The following HMCN1 variants were observed in gnomAD, a reference collection of about 807,000 sequenced individuals.
The protein encoded by HMCN1 is hemicentin-1.
Under a neutral mutation model 625.9 loss-of-function variants are expected in HMCN1, and 321 were observed. That is an observed-to-expected ratio of 0.51 (90% confidence interval 0.47 to 0.56). The LOEUF (loss-of-function observed/expected upper bound fraction) is 0.56. Ranked by LOEUF, HMCN1 falls within the 20% of genes least tolerant of loss-of-function variation. The probability of loss-of-function intolerance (pLI) is 0.00; values close to 1 mark genes in which losing one functional copy is unlikely to be tolerated. For missense variants in HMCN1, 6,588 were observed against 6,887.3 expected (o/e 0.96, Z 1.54); for synonymous variants, 2,425 against 2,417.6 (o/e 1.00, Z -0.09).
intron 11 of HMCN1, among the ~76,000 whole-genome samples, chr1:185,935,209 C>T (rs1415664498): frequency 1.3e-5 from 2 of 151,452 alleles, no homozygotes; most frequent in Non-Finnish European, 2.9e-5. Flanking sequence ...TCAGAGCCTT[C>T]CTTGTTTCTC....
At chr1:186,048,575 G>A (rs1217108940) in intron 41 of HMCN1, among the ~76,000 whole-genome samples, 168 bp from the exon 42 acceptor site, 1 of 152,080 alleles carries the variant, frequency 6.6e-6, no homozygotes, top group Non-Finnish European at 1.5e-5. Context: ...ATCTTGTTGT[G>A]TTGAAACTGG....
At chr1:186,165,267 T>C (rs1052734893) in intron 98 of HMCN1, 94 bp downstream of exon 98, 3 of 1,060,490 alleles carry the variant, frequency 2.8e-6, no homozygotes, top group Non-Finnish European at 4.4e-6. Flanking sequence ...CACTAGGTAT[T>C]TAATCTTCAC....
At chr1:186,048,122 A>G (rs1004343106) in intron 41 of HMCN1, among the ~76,000 whole-genome samples, 5 of 152,150 alleles carry the variant, frequency 3.3e-5, no homozygotes, top group African/African-American at 1.2e-4. Flanking sequence ...CATATGTGAC[A>G]TTATATCTCT....
At chr1:185,939,729 A>G (rs141133128) in intron 11 of HMCN1, among the ~76,000 whole-genome samples, 8 of 152,278 alleles carry the variant, frequency 5.3e-5, no homozygotes, top group Non-Finnish European at 1.2e-4. Context: ...TTTGTTTTCT[A>G]GATATTGAGA....
In HMCN1 at chr1:185,986,861, ATAAAT is replaced by A. The variant is rs1268935255; in HGVS notation, c.2936-565_2936-561del. 3.3e-5 allele frequency among the ~76,000 whole-genome samples: 5 copies of A among 149,992 alleles called. 1 individual carries two copies. Among genetic ancestry groups the A allele is most frequent in the East Asian group, 3.9e-4 (2 of 5,180 alleles). On this transcript the variant is annotated intron_variant, in intron 19 of 106. Coordinates refer to ENST00000271588, the MANE Select transcript of HMCN1 (RefSeq NM_031935.3). Reference sequence around the variant, plus strand: ...AAAAAAAAATTAATTAATTAATTAAATAAATTAAATAAAATAAAAAAACTCTTAAG... The same window carrying A: ...AAAAAAAAATTAATTAATTAATTAAATAAATAAAATAAAAAAACTCTTAAG...
chr1:186,104,387 G>T (rs1660516770), intron 69 of HMCN1, among the ~76,000 whole-genome samples: 1 of 152,168 alleles, frequency 6.6e-6, no homozygotes, highest in Non-Finnish European at 1.5e-5. Context: ...TTCAAAAAAA[G>T]ACTTAGGATT....
intron 64 of HMCN1, 136 bp from the exon 65 acceptor site, chr1:186,092,998 G>T: frequency 9.2e-7 from 1 of 1,085,144 alleles, no homozygotes; most frequent in South Asian, 1.3e-5. Flanking sequence ...GTAGATATGA[G>T]ACTCGCTACT....
At chr1:186,072,061 T>C (rs1288061005) in intron 52 of HMCN1, among the ~76,000 whole-genome samples, 3 of 152,194 alleles carry the variant, frequency 2.0e-5, no homozygotes, top group African/African-American at 4.8e-5. Flanking sequence ...GGCTTTGAAA[T>C]TGACCCAATT....
chr1:185,890,410 C>A (rs1257977509), intron 4 of HMCN1, among the ~76,000 whole-genome samples: 1 of 146,756 alleles, frequency 6.8e-6, no homozygotes, highest in Non-Finnish European at 1.5e-5. Context: ...GTTAGGGTGT[C>A]AATTTTGGAT....
At chr1:186,175,530 A>G (rs532503548) in intron 103 of HMCN1, among the ~76,000 whole-genome samples, 108 of 152,354 alleles carry the variant, frequency 7.1e-4, no homozygotes, top group African/African-American at 2.5e-3. Context: ...TTTTAATAAC[A>G]GGAATACAGA....
At chr1:186,150,938 A>C (rs550991968) in intron 93 of HMCN1, among the ~76,000 whole-genome samples, 2 of 152,178 alleles carry the variant, frequency 1.3e-5, no homozygotes, top group African/African-American at 4.8e-5. Flanking sequence ...CACTGATTGT[A>C]TTCTTTGGCT....
intron 11 of HMCN1, among the ~76,000 whole-genome samples, chr1:185,954,755 T>G (rs1176920295): frequency 6.6e-6 from 1 of 152,204 alleles, no homozygotes; most frequent in Non-Finnish European, 1.5e-5. Context: ...CTCTTTTCAG[T>G]AATCATACCT....
chr1:185,991,627 T>A (rs2102031787), intron 22 of HMCN1, among the ~76,000 whole-genome samples: 1 of 152,328 alleles, frequency 6.6e-6, no homozygotes, highest in Admixed American at 6.5e-5. Flanking sequence ...TTCCATTTAT[T>A]CATTTTAACT....
chr1:185,981,196 G>A lies in HMCN1; in HGVS notation c.2662+123G>A, dbSNP rs1166561364. The A allele has an allele frequency of 5.8e-6, 4 of 694,784 alleles. No individual in the cohort carries two copies. The East Asian group carries it at 1.1e-4, about 19-fold the overall frequency. The allele number at this position is 694,784 out of a possible 1,614,324, so 43.0% of individuals were successfully genotyped here. ...AGATAAATGACTAATTACTAGACCAGCCTTCCCTTCCCTGCCACACTTCAT... is the reference window on the plus strand; with the variant it reads ...AGATAAATGACTAATTACTAGACCAACCTTCCCTTCCCTGCCACACTTCAT... On this transcript the variant is annotated intron_variant, in intron 17 of 106. Transcript: ENST00000271588.
At chr1:186,023,281 A>AC (rs1654840427) in intron 36 of HMCN1, 128 bp downstream of exon 36, 2 of 820,810 alleles carry the variant, frequency 2.4e-6, no homozygotes, top group Non-Finnish European at 1.9e-6. Context: ...TATAAAAAAA[A>AC]CCTAGGGTTT....
intron 4 of HMCN1, among the ~76,000 whole-genome samples, chr1:185,896,358 A>C (rs956836270): frequency 2.0e-5 from 3 of 152,148 alleles, no homozygotes; most frequent in Non-Finnish European, 4.4e-5. Flanking sequence ...TTGAAATAAG[A>C]AGGGTAAACA....
chr1:185,986,009 T>C (rs2102014314), intron 19 of HMCN1, among the ~76,000 whole-genome samples: 1 of 152,324 alleles, frequency 6.6e-6, no homozygotes, highest in African/African-American at 2.4e-5. Context: ...TTTATTGCTG[T>C]CAAACTCAGT....
chr1:185,818,977 G>A (rs1660013249), intron 1 of HMCN1, among the ~76,000 whole-genome samples: 1 of 151,002 alleles, frequency 6.6e-6, no homozygotes, highest in Non-Finnish European at 1.5e-5. Context: ...TGGAAGCCAT[G>A]CCTGTAATCC....
intron 68 of HMCN1, among the ~76,000 whole-genome samples, chr1:186,097,946 G>A (rs1660210835): frequency 6.6e-6 from 1 of 152,090 alleles, no homozygotes. Flanking sequence ...AACACATACT[G>A]GGGAAAGGAT....
Sources: allele counts gnomAD v4.1 joint callset (sites outside exome capture counted in the v4.1 genomes callset), GRCh38; gene constraint gnomAD v4.1.1; transcripts MANE v1.5; gene names NCBI Gene and HGNC (gene_info 2026-07-23, HGNC 2026-07-21).